FMN2: variants seen among roughly 807,000 people sequenced by gnomAD.
FMN2 encodes the protein formin-2.
A neutral mutation model predicts 142.3 loss-of-function variants in FMN2; 51 were observed. The observed-to-expected ratio is 0.36, with a 90% confidence interval of 0.29 to 0.45. FMN2 has a LOEUF of 0.45. Ranked by LOEUF, FMN2 falls within the 20% of genes least tolerant of loss-of-function variation. The probability of loss-of-function intolerance (pLI) is 1.00; values close to 1 mark genes in which losing one functional copy is unlikely to be tolerated. For synonymous variants in FMN2, 882 were observed against 869.8 expected, an observed-to-expected ratio of 1.01 and a Z score of -0.25; for missense variants, 1,936 against 2,122.8, an observed-to-expected ratio of 0.91 and a Z score of 1.73.
At chr1:240,150,220 A>G (rs961911915) in intron 2 of FMN2, among the ~76,000 whole-genome samples, 4 of 152,240 alleles carry the variant, frequency 2.6e-5, no homozygotes, top group African/African-American at 7.2e-5. Context: ...AGAAGCTTAC[A>G]TCAAGATACA....
At chr1:240,155,285 AATTTTTATT>A in intron 2 of FMN2, among the ~76,000 whole-genome samples, 1 of 151,982 alleles carries the variant, frequency 6.6e-6, no homozygotes, top group South Asian at 2.1e-4. Flanking sequence ...ATCTTGTTTT[AATTTTTATT>A]TTTTTAACCA....
chr1:240,329,651 C>T (rs1572200254), intron 10 of FMN2, among the ~76,000 whole-genome samples, 183 bp downstream of exon 10: 1 of 152,130 alleles, frequency 6.6e-6, no homozygotes, highest in Admixed American at 6.6e-5. Flanking sequence ...TTCCGGCGGG[C>T]GCCCAGGGCT....
rs774138111 is a variant in FMN2 at position 240,452,127 on chromosome 1, G to C, written c.5060+13917G>C. On this transcript the variant is annotated intron_variant, in intron 16 of 17. Coordinates refer to ENST00000319653, the MANE Select transcript of FMN2 (RefSeq NM_020066.5). ...AGTCACTTGAACCTGGGAGGCAGGG[G>C]TTGCAGTGAGCCGAGATCACACCAC... 3.3e-5 allele frequency among the ~76,000 whole-genome samples: 5 copies of C among 151,622 alleles called. No homozygotes were observed. In the East Asian group the frequency reaches 7.8e-4, roughly 24 times the overall value.
chr1:240,388,877 A>AGGGGG (rs1245822995), intron 14 of FMN2, among the ~76,000 whole-genome samples: 1 of 135,768 alleles, frequency 7.4e-6, no homozygotes, highest in African/African-American at 2.8e-5. Context: ...AAAAAAAAAA[A>AGGGGG]GGGGGGGGGT....
intron 14 of FMN2, among the ~76,000 whole-genome samples, chr1:240,362,621 C>T (rs1209340497): frequency 2.0e-5 from 3 of 152,052 alleles, no homozygotes; most frequent in Admixed American, 6.6e-5. Flanking sequence ...AATGGATGAC[C>T]TTTATATATG....
At chr1:240,144,407 A>G in intron 2 of FMN2, 1 of 1,605,408 alleles carries the variant, frequency 6.2e-7, no homozygotes, top group Non-Finnish European at 8.5e-7. Flanking sequence ...GTTGAGCTGT[A>G]CATTGGACAT....
intron 15 of FMN2, among the ~76,000 whole-genome samples, chr1:240,423,464 G>A (rs757936303): frequency 9.9e-5 from 15 of 152,170 alleles, no homozygotes; most frequent in Non-Finnish European, 2.1e-4. Flanking sequence ...GTTTAAACTG[G>A]TATGCTCTCT....
chr1:240,379,842 T>C lies in FMN2; in HGVS notation c.4859-12669T>C, dbSNP rs116798782. Among the ~76,000 whole-genome samples the C allele has an allele frequency of 8.5e-5, 13 of 152,200 alleles. 1 individual carries two copies. Among genetic ancestry groups the C allele is most frequent in the Admixed American group, 2.0e-4 (3 of 15,282 alleles). On this transcript the variant is annotated intron_variant, in intron 14 of 17. Coordinates refer to ENST00000319653, the MANE Select transcript of FMN2 (RefSeq NM_020066.5). ...TTCTTGAAATGATAAACAAAATAGA[T>C]AGACCACTAGCTAGATTAACCAAGG... is the stretch of plus-strand genomic sequence containing the variant.
At chr1:240,442,666 A>G (rs1211585843) in intron 16 of FMN2, among the ~76,000 whole-genome samples, 2 of 152,224 alleles carry the variant, frequency 1.3e-5, no homozygotes, top group East Asian at 3.8e-4. Flanking sequence ...TAAATCCTGT[A>G]TTAATCTTTC....
intron 7 of FMN2, among the ~76,000 whole-genome samples, chr1:240,289,064 T>G (rs2102950541): frequency 6.6e-6 from 1 of 152,270 alleles, no homozygotes; most frequent in South Asian, 2.1e-4. Context: ...TAAGCTTTGG[T>G]GTAACTTGCC....
At chr1:240,336,511 A>G (rs1671559870) in intron 13 of FMN2, among the ~76,000 whole-genome samples, 1 of 144,816 alleles carries the variant, frequency 6.9e-6, no homozygotes. Context: ...TCATGACCAA[A>G]TGAATGTTAA....
At chr1:240,139,575 AC>A (rs141010914) in intron 2 of FMN2, among the ~76,000 whole-genome samples, 197 of 152,350 alleles carry the variant, frequency 1.3e-3, no homozygotes, top group African/African-American at 4.7e-3. Context: ...AGACAAAAAA[AC>A]AAGATATTTT....
At chr1:240,115,332 C>T (rs1373529950) in intron 1 of FMN2, among the ~76,000 whole-genome samples, 1 of 151,874 alleles carries the variant, frequency 6.6e-6, no homozygotes, top group Non-Finnish European at 1.5e-5. Context: ...GTTATAGTAC[C>T]AGGAACTGTG....
intron 6 of FMN2, among the ~76,000 whole-genome samples, chr1:240,246,750 G>A (rs991467918): frequency 2.0e-5 from 3 of 152,122 alleles, no homozygotes; most frequent in African/African-American, 7.2e-5. Flanking sequence ...ACACAGTCCT[G>A]CCTTCTAGGG....
chr1:240,173,472 T>C (rs1314575131), intron 2 of FMN2, among the ~76,000 whole-genome samples: 4 of 151,936 alleles, frequency 2.6e-5, no homozygotes, highest in Non-Finnish European at 5.9e-5. Context: ...TCAGCAGAGG[T>C]GGGTCTGATT....
intron 15 of FMN2, among the ~76,000 whole-genome samples, chr1:240,422,569 G>A (rs953584807): frequency 1.3e-5 from 2 of 152,146 alleles, no homozygotes; most frequent in African/African-American, 4.8e-5. Flanking sequence ...ATATGGGAAA[G>A]CAGTTGAGTT....
At chr1:240,317,387 G>A (rs748856894) in intron 8 of FMN2, among the ~76,000 whole-genome samples, 3 of 151,958 alleles carry the variant, frequency 2.0e-5, no homozygotes, top group African/African-American at 7.3e-5. Flanking sequence ...CTACCCCCTT[G>A]TAATTACACC....
At chr1:240,114,186 T>C (rs1661929138) in intron 1 of FMN2, among the ~76,000 whole-genome samples, 1 of 152,232 alleles carries the variant, frequency 6.6e-6, no homozygotes. Flanking sequence ...CATCATGTTA[T>C]TTTAATATCA....
intron 11 of FMN2, among the ~76,000 whole-genome samples, chr1:240,332,636 G>T (rs1300636401): frequency 6.6e-6 from 1 of 151,964 alleles, no homozygotes; most frequent in East Asian, 1.9e-4. Flanking sequence ...TAATCAAGAG[G>T]TAATCTAAAA....
Sources: gnomAD v4.1 joint callset for allele counts (sites outside exome capture counted in the v4.1 genomes callset) on GRCh38, gnomAD v4.1.1 for gene constraint, MANE v1.5 for transcripts, NCBI Gene and HGNC (gene_info 2026-07-23, HGNC 2026-07-21) for gene names.